The following LUC7L2 variants were observed in gnomAD, a reference collection of about 807,000 sequenced individuals.
LUC7L2 encodes the protein LUC7 like 2, pre-mRNA splicing factor.
LUC7L2 carries 25 observed loss-of-function variants against 52.8 expected under a neutral mutation model. That is an observed-to-expected ratio of 0.47 (90% confidence interval 0.34 to 0.66). LUC7L2 has a LOEUF of 0.66. Among genes scored for constraint, LUC7L2 ranks in the 30% least tolerant of loss-of-function variants. LUC7L2 has a pLI of 0.01. For synonymous variants in LUC7L2, 144 were observed against 160.9 expected (o/e 0.89, Z 0.80); for missense variants, 328 against 497.8 (o/e 0.66, Z 3.25).
At chr7:139,353,874 A>C (rs1269467795) in intron 1 of LUC7L2, among the ~76,000 whole-genome samples, 1 of 151,998 alleles carries the variant, frequency 6.6e-6, no homozygotes, top group Non-Finnish European at 1.5e-5. Context: ...CAGCACTTTG[A>C]GAGGTCGAGG....
chr7:139,412,825 TAAAAAAAAAAAAA>T (rs10593094), intron 8 of LUC7L2: 1 of 121,460 alleles, frequency 8.2e-6, no homozygotes, highest in Non-Finnish European at 1.7e-5. Context: ...ACTCTGTCTT[TAAAAAAAAAAAAA>T]AAAAAAAAAA....
chr7:139,404,926 A>G (rs1179729277), intron 4 of LUC7L2, among the ~76,000 whole-genome samples: 1 of 152,248 alleles, frequency 6.6e-6, no homozygotes, highest in Non-Finnish European at 1.5e-5. Context: ...GATCTGATGG[A>G]TTCCTGAACT....
rs546646905 is a variant in LUC7L2 at position 139,341,470 on chromosome 7, A to G, written c.-26+953A>G. The G allele has an allele frequency of 3.7e-6, 6 of 1,613,798 alleles. No individual in the cohort carries two copies. In the East Asian group the frequency reaches 6.7e-5, roughly 18 times the overall value. On this transcript the variant is annotated intron_variant, in intron 1 of 10. Transcript: ENST00000541170. Reference sequence around the variant, plus strand: ...CTGAGCGCGGCCACCGGCCGACCCTATCGCGACACCGCGGCCTATCGGTAC... The same window carrying G: ...CTGAGCGCGGCCACCGGCCGACCCTGTCGCGACACCGCGGCCTATCGGTAC...
At chr7:139,354,614 G>C (rs1158672629) in intron 1 of LUC7L2, among the ~76,000 whole-genome samples, 1 of 152,138 alleles carries the variant, frequency 6.6e-6, no homozygotes, top group Non-Finnish European at 1.5e-5. Flanking sequence ...CACTGGCCTT[G>C]GCCTCCCAAA....
At chr7:139,350,686 T>C (rs1799427499) in intron 1 of LUC7L2, among the ~76,000 whole-genome samples, 1 of 151,846 alleles carries the variant, frequency 6.6e-6, no homozygotes, top group Non-Finnish European at 1.5e-5. Context: ...TTCTTCTTTT[T>C]TTTTTTTTGA....
chr7:139,364,709 A>G (rs1263876862), intron 1 of LUC7L2, among the ~76,000 whole-genome samples: 3 of 152,224 alleles, frequency 2.0e-5, no homozygotes, highest in African/African-American at 7.2e-5. Context: ...AATCTGTAAG[A>G]TAGTATGACA....
chr7:139,375,674 A>G (rs1800669919), intron 1 of LUC7L2: 2 of 946,968 alleles, frequency 2.1e-6, no homozygotes, highest in Non-Finnish European at 2.5e-6. Context: ...GGAACATTGT[A>G]TACCAGTATA....
chr7:139,342,861 A>G (rs754794896), intron 1 of LUC7L2, among the ~76,000 whole-genome samples: 2 of 152,182 alleles, frequency 1.3e-5, no homozygotes, highest in Non-Finnish European at 2.9e-5. Flanking sequence ...TCTGAAATTC[A>G]TGGTACATTC....
intron 5 of LUC7L2, among the ~76,000 whole-genome samples, 171 bp from the exon 6 acceptor site, chr7:139,407,003 T>TTTTG (rs1305561499): frequency 4.2e-5 from 2 of 48,076 alleles, no homozygotes; most frequent in African/African-American, 4.0e-5. Flanking sequence ...CTTTTGTGGT[T>TTTTG]TTTTTTTTTT....
intron 1 of LUC7L2, chr7:139,374,367 A>G: frequency 6.7e-7 from 1 of 1,496,936 alleles, no homozygotes; most frequent in South Asian, 1.2e-5. Context: ...TCTATACAAA[A>G]TGAACAATCT....
intron 2 of LUC7L2, among the ~76,000 whole-genome samples, chr7:139,390,240 T>TC (rs761115622): frequency 6.7e-5 from 10 of 150,070 alleles, no homozygotes; most frequent in South Asian, 2.1e-4. Context: ...TCTCTCTCTC[T>TC]TTTTTTCTTA....
In LUC7L2 at chr7:139,398,635, C is replaced by T; in HGVS notation, c.193C>T (p.Leu65=). 2 of 1,612,388 alleles carry T rather than the reference C, an allele frequency of 1.2e-6. No homozygotes were observed. Among genetic ancestry groups the T allele is most frequent in the Non-Finnish European group, 1.7e-6 (2 of 1,179,384 alleles). ...DLGECLKVHD[L]ALRADYEIAS... Reference sequence around the variant, plus strand: ...TGGAGAATGTCTGAAAGTCCATGACCTGGCTTTAAGAGCGGATTATGAAAT... The same window carrying T: ...TGGAGAATGTCTGAAAGTCCATGACTTGGCTTTAAGAGCGGATTATGAAAT... Residue 65 remains leucine, a synonymous_variant, in exon 3 of 10, where the codon CTG becomes TTG. Coordinates refer to ENST00000354926, the MANE Select transcript of LUC7L2 (RefSeq NM_016019.5).
chr7:139,377,584 A>T (rs1800782293), intron 2 of LUC7L2, among the ~76,000 whole-genome samples: 1 of 151,788 alleles, frequency 6.6e-6, no homozygotes, highest in African/African-American at 2.4e-5. Flanking sequence ...AGTAGAGATG[A>T]AGTTTCGTCA....
intron 1 of LUC7L2, chr7:139,341,658 A>C: frequency 1.4e-6 from 2 of 1,423,148 alleles, no homozygotes; most frequent in Non-Finnish European, 1.9e-6. Flanking sequence ...GTTCTGACCA[A>C]ACCAACCCAG....
At chr7:139,406,524 T>A (rs1448357768) in intron 5 of LUC7L2, among the ~76,000 whole-genome samples, 1 of 151,954 alleles carries the variant, frequency 6.6e-6, no homozygotes, top group African/African-American at 2.4e-5. Context: ...GGCTAATTTT[T>A]TGTATTTTTA....
At chr7:139,345,735 A>C in intron 1 of LUC7L2, 1 of 1,590,000 alleles carries the variant, frequency 6.3e-7, no homozygotes, top group Non-Finnish European at 8.6e-7. Context: ...TGCTGCATTC[A>C]TAGGAGAATT....
chr7:139,343,146 T>G (rs574900884), intron 1 of LUC7L2, among the ~76,000 whole-genome samples: 1 of 152,332 alleles, frequency 6.6e-6, no homozygotes, highest in East Asian at 1.9e-4. Context: ...AAGAGCAGTA[T>G]TCTATCCTAC....
intron 4 of LUC7L2, among the ~76,000 whole-genome samples, chr7:139,404,399 C>T (rs1795035281): frequency 2.0e-5 from 3 of 152,090 alleles, no homozygotes; most frequent in Admixed American, 2.0e-4. Flanking sequence ...ATCTCAGCTA[C>T]GTGGGAGGCT....
intron 1 of LUC7L2, 45 bp from the exon 2 acceptor site, chr7:139,376,017 T>C (rs776541770): frequency 5.6e-6 from 9 of 1,603,010 alleles, no homozygotes; most frequent in Middle Eastern, 1.7e-4. Context: ...GAAAATACTT[T>C]CCAGTTGTCT....
Sources: gnomAD v4.1 joint callset for allele counts (sites outside exome capture counted in the v4.1 genomes callset) on GRCh38, gnomAD v4.1.1 for gene constraint, MANE v1.5 for transcripts, NCBI Gene and HGNC (gene_info 2026-07-23, HGNC 2026-07-21) for gene names.